Variants in GRAMD1B observed in about 807,000 individuals in gnomAD.
GRAMD1B encodes GRAM domain containing 1B, also known as protein Aster-B.
GRAMD1B carries 37 observed loss-of-function variants against 99.7 expected under a neutral mutation model. The ratio of observed to expected loss-of-function variants is 0.37; its 90% CI spans 0.29 to 0.49. The LOEUF is 0.49. Among genes scored for constraint, GRAMD1B ranks in the 20% least tolerant of loss-of-function variants. GRAMD1B has a pLI of 0.98. For synonymous variants in GRAMD1B, 427 were observed against 387.6 expected (o/e 1.10, Z -1.19); for missense variants, 888 against 1,009.2 (o/e 0.88, Z 1.63).
At chr11:123,503,610 A>C (rs1401709660) in intron 2 of GRAMD1B, among the ~76,000 whole-genome samples, 2 of 151,120 alleles carry the variant, frequency 1.3e-5, no homozygotes, top group Admixed American at 6.6e-5. Flanking sequence ...GCAATGGTGC[A>C]ATCTTGGCTC....
At chr11:123,402,044 G>A (rs1406545844) in intron 1 of GRAMD1B, among the ~76,000 whole-genome samples, 1 of 152,168 alleles carries the variant, frequency 6.6e-6, no homozygotes, top group Non-Finnish European at 1.5e-5. Flanking sequence ...GTCCCCAAAA[G>A]GCCACGTTCT....
intron 14 of GRAMD1B, among the ~76,000 whole-genome samples, chr11:123,611,108 A>AATTACT (rs1953478895): frequency 6.6e-6 from 1 of 152,206 alleles, no homozygotes; most frequent in Non-Finnish European, 1.5e-5. Context: ...AAAGTTTAGT[A>AATTACT]AAAGGTCGCA....
rs923229467 is a variant in GRAMD1B at position 123,510,386 on chromosome 11, C to T, written c.452+29493C>T. On this transcript the variant is annotated intron_variant, in intron 2 of 19. Coordinates refer to ENST00000635736, the MANE Select transcript of GRAMD1B (RefSeq NM_001387025.1). This position sits in a 1 kb window ranked among gnomAD's most constrained non-coding sequence, Gnocchi z 4.3. Reference sequence around the variant, plus strand: ...AGCCTGGGAAGACCCACACTTCGCTCCTGGGAAGAAGTACCAGGCCAGGGG... The same window carrying T: ...AGCCTGGGAAGACCCACACTTCGCTTCTGGGAAGAAGTACCAGGCCAGGGG... Among the ~76,000 whole-genome samples the T allele has an allele frequency of 6.6e-6, 1 of 152,134 alleles. No individual in the cohort carries two copies. The highest frequency in any genetic ancestry group is 2.4e-5 in the African/African-American group (1 of 41,434).
chr11:123,554,417 A>T (rs952230336), intron 2 of GRAMD1B, among the ~76,000 whole-genome samples: 1 of 150,756 alleles, frequency 6.6e-6, no homozygotes, highest in Non-Finnish European at 1.5e-5. Flanking sequence ...GGCTGGGTGC[A>T]GTGGCTCATG....
At chr11:123,603,349 A>G in intron 8 of GRAMD1B, 77 bp from the exon 9 acceptor site, 2 of 862,674 alleles carry the variant, frequency 2.3e-6, no homozygotes, top group Non-Finnish European at 3.9e-6. Flanking sequence ...CAGGGGAACC[A>G]GCCCGGCTCA....
intron 2 of GRAMD1B, among the ~76,000 whole-genome samples, chr11:123,498,400 C>T (rs1175260422): frequency 1.3e-5 from 2 of 152,246 alleles, no homozygotes; most frequent in African/African-American, 4.8e-5. Context: ...TCATGCTGCA[C>T]ATCCACTGCT....
intron 4 of GRAMD1B, among the ~76,000 whole-genome samples, 163 bp downstream of exon 4, chr11:123,584,495 G>A (rs1248200903): frequency 2.6e-5 from 4 of 152,018 alleles, no homozygotes; most frequent in Admixed American, 2.6e-4. Context: ...TCTTCAGCAG[G>A]ACAGGGCAGC....
chr11:123,526,195 C>G (rs370308354), intron 2 of GRAMD1B: 11 of 1,605,116 alleles, frequency 6.9e-6, no homozygotes, highest in Non-Finnish European at 9.4e-6. Context: ...GGATAGGGCA[C>G]CTTCCTCTTC....
chr11:123,444,069 C>G (rs1295386496), intron 1 of GRAMD1B, among the ~76,000 whole-genome samples: 1 of 152,016 alleles, frequency 6.6e-6, no homozygotes. Flanking sequence ...TGTATTCAGA[C>G]CTTTAAAAGG....
intron 2 of GRAMD1B, among the ~76,000 whole-genome samples, chr11:123,525,276 C>A (rs974547789): frequency 5.9e-5 from 9 of 152,222 alleles, no homozygotes; most frequent in Non-Finnish European, 1.2e-4. Context: ...TGGGAGCACG[C>A]AGCCCTGCTT....
intron 1 of GRAMD1B, among the ~76,000 whole-genome samples, chr11:123,363,425 G>A (rs533790646): frequency 2.0e-5 from 3 of 152,118 alleles, no homozygotes; most frequent in Admixed American, 6.5e-5. Flanking sequence ...TTTGATAACC[G>A]CCTGTAAAGA....
chr11:123,403,457 A>G (rs866171024), intron 1 of GRAMD1B, among the ~76,000 whole-genome samples: 1,768 of 128,324 alleles, frequency 0.014, 17 homozygotes, highest in African/African-American at 0.049. Context: ...TGATAATAAT[A>G]ATAATAATAA....
intron 2 of GRAMD1B, among the ~76,000 whole-genome samples, chr11:123,546,287 C>A (rs1182057972): frequency 6.6e-6 from 1 of 152,144 alleles, no homozygotes; most frequent in Non-Finnish European, 1.5e-5. Context: ...GGAGGCATTA[C>A]CCTTGGGAGC....
At chr11:123,566,494 C>G (rs933961004) in intron 2 of GRAMD1B, among the ~76,000 whole-genome samples, 3 of 152,180 alleles carry the variant, frequency 2.0e-5, no homozygotes, top group African/African-American at 7.2e-5. Flanking sequence ...TGGCCGAGCG[C>G]GGTGGCTCAC....
intron 2 of GRAMD1B, among the ~76,000 whole-genome samples, chr11:123,495,472 A>G (rs1939135780): frequency 6.6e-6 from 1 of 152,146 alleles, no homozygotes; most frequent in Non-Finnish European, 1.5e-5. Context: ...TATTGACTAT[A>G]ATCACCCTGT....
intron 1 of GRAMD1B, among the ~76,000 whole-genome samples, chr11:123,456,523 C>T (rs906606886): frequency 6.6e-6 from 1 of 152,026 alleles, no homozygotes; most frequent in African/African-American, 2.4e-5. Context: ...GCCTATAATC[C>T]CAGCACTTTG....
chr11:123,404,139 C>A (rs1215497839), intron 1 of GRAMD1B, among the ~76,000 whole-genome samples: 1 of 152,040 alleles, frequency 6.6e-6, no homozygotes, highest in African/African-American at 2.4e-5. Context: ...GTTTTATCTG[C>A]CTAGGTCTAA....
intron 1 of GRAMD1B, among the ~76,000 whole-genome samples, chr11:123,370,337 CTTTTTTT>C (rs1163332610): frequency 1.5e-4 from 15 of 102,822 alleles, no homozygotes; most frequent in Middle Eastern, 7.0e-3. Context: ...GAAGTTATCT[CTTTTTTT>C]TTTTTTTTTT....
At chr11:123,545,506 A>G (rs1052182386) in intron 2 of GRAMD1B, among the ~76,000 whole-genome samples, 10 of 152,170 alleles carry the variant, frequency 6.6e-5, no homozygotes, top group African/African-American at 9.7e-5. Context: ...TTAGTGGTCA[A>G]GAGCAGGTAT....
Sources: allele counts gnomAD v4.1 joint callset (sites outside exome capture counted in the v4.1 genomes callset), GRCh38; gene constraint gnomAD v4.1.1; non-coding constraint Gnocchi (gnomAD v3.1); transcripts MANE v1.5; gene names NCBI Gene and HGNC (gene_info 2026-07-23, HGNC 2026-07-21).